The following MRC1 variants were observed in gnomAD, a reference collection of about 807,000 sequenced individuals.
The protein encoded by MRC1 is macrophage mannose receptor 1.
In MRC1, 62 loss-of-function variants were observed where a neutral mutation model predicts 102.9. That is an observed-to-expected ratio of 0.60 (90% CI 0.49 to 0.74). MRC1 has a LOEUF of 0.74. Ranked by LOEUF, MRC1 falls within the 30% of genes least tolerant of loss-of-function variation. MRC1 has a pLI of 0.00. For missense variants in MRC1, 1,237 were observed against 862.8 expected (o/e 1.43, Z -5.43); for synonymous variants, 457 against 298.4 (o/e 1.53, Z -5.48).
intron 6 of MRC1, among the ~76,000 whole-genome samples, chr10:17,849,148 T>A (rs900023348): frequency 6.6e-6 from 1 of 150,920 alleles, no homozygotes; most frequent in Non-Finnish European, 1.5e-5. Flanking sequence ...AAAAGAGATT[T>A]CCCATAGCCA....
chr10:17,878,847 G>C (rs902671914), intron 18 of MRC1, among the ~76,000 whole-genome samples: 1 of 152,016 alleles, frequency 6.6e-6, no homozygotes, highest in African/African-American at 2.4e-5. Context: ...TTTTTAAAGA[G>C]TAAAAATGTT....
At chr10:17,897,742 C>T (rs1833775371) in intron 23 of MRC1, among the ~76,000 whole-genome samples, 1 of 152,116 alleles carries the variant, frequency 6.6e-6, no homozygotes, top group Non-Finnish European at 1.5e-5. Flanking sequence ...CATCAAGATA[C>T]CAGATTGGAT....
intron 4 of MRC1, among the ~76,000 whole-genome samples, chr10:17,836,860 T>TA (rs1838672859): frequency 1.7e-4 from 26 of 149,664 alleles, no homozygotes; most frequent in African/African-American, 4.7e-4. Flanking sequence ...AAATAAAAAT[T>TA]TAAAAAAAAA....
intron 15 of MRC1, 112 bp downstream of exon 15, chr10:17,872,238 A>G: frequency 1.3e-6 from 1 of 773,662 alleles, no homozygotes; most frequent in Non-Finnish European, 2.4e-6. Flanking sequence ...AAATCAGGAA[A>G]CTGTCAGTGG....
chr10:17,843,933 C>T (rs1274681015), intron 5 of MRC1, among the ~76,000 whole-genome samples: 1 of 152,184 alleles, frequency 6.6e-6, no homozygotes, highest in Non-Finnish European at 1.5e-5. Context: ...GTGGCTCATT[C>T]ACCCTGTCTT....
Position 17,871,813 on chromosome 10 carries a change from T to C in MRC1, c.2200-169T>C, listed in dbSNP as rs1176549673. Among the ~76,000 whole-genome samples, 3 of 152,346 alleles carry C rather than the reference T, an allele frequency of 2.0e-5. No individual in the cohort carries two copies. The East Asian group carries it at 5.8e-4, about 29-fold the overall frequency. On this transcript the variant is annotated intron_variant, in intron 14 of 29. Transcript: ENST00000569591. ...ACAAGGTTCCATGTAATGAAAGCTGTTTCTTTTCTACTACGTTTGTGAACT... is the reference window on the plus strand; with the variant it reads ...ACAAGGTTCCATGTAATGAAAGCTGCTTCTTTTCTACTACGTTTGTGAACT...
chr10:17,825,291 A>G (rs1459488065), intron 2 of MRC1, among the ~76,000 whole-genome samples: 1 of 152,168 alleles, frequency 6.6e-6, no homozygotes, highest in Non-Finnish European at 1.5e-5. Context: ...CCAGAATTGT[A>G]GACTTAGATG....
intron 13 of MRC1, 55 bp downstream of exon 13, chr10:17,870,428 A>G: frequency 1.3e-6 from 1 of 779,488 alleles, no homozygotes; most frequent in Non-Finnish European, 2.4e-6. Context: ...GTGCTTATGA[A>G]GTTGAGAAAA....
chr10:17,828,341 T>C (rs1047502808), intron 3 of MRC1, among the ~76,000 whole-genome samples: 6 of 151,402 alleles, frequency 4.0e-5, no homozygotes, highest in Admixed American at 1.3e-4. Context: ...TCCCAAAGTG[T>C]TGGGTTTACA....
At chr10:17,814,056 A>G (rs1838268682) in intron 1 of MRC1, among the ~76,000 whole-genome samples, 1 of 152,090 alleles carries the variant, frequency 6.6e-6, no homozygotes, top group Non-Finnish European at 1.5e-5. Flanking sequence ...CACATGAATA[A>G]CTGTAGTAGA....
intron 9 of MRC1, among the ~76,000 whole-genome samples, chr10:17,860,664 A>G (rs1833171222): frequency 2.0e-5 from 3 of 152,322 alleles, no homozygotes; most frequent in Non-Finnish European, 4.4e-5. Flanking sequence ...CTATGACCAA[A>G]TGATGTAGCT....
chr10:17,888,396 G>T (rs1833629463), intron 22 of MRC1, among the ~76,000 whole-genome samples: 1 of 152,186 alleles, frequency 6.6e-6, no homozygotes, highest in Admixed American at 6.5e-5. Context: ...CAGGAGTGTA[G>T]GCTGTGATTC....
At chr10:17,871,937 T>C (rs1204174369) in intron 14 of MRC1, 45 bp from the exon 15 acceptor site, 2 of 773,170 alleles carry the variant, frequency 2.6e-6, no homozygotes, top group Non-Finnish European at 4.8e-6. Context: ...TGGCATTGGC[T>C]TGATACAAAT....
At chr10:17,834,040 G>A (rs1393220992) in intron 4 of MRC1, among the ~76,000 whole-genome samples, 1 of 152,166 alleles carries the variant, frequency 6.6e-6, no homozygotes, top group African/African-American at 2.4e-5. Flanking sequence ...GCCAACTATT[G>A]GTTTTAAGAG....
chr10:17,827,453 G>T, intron 2 of MRC1, 89 bp from the exon 3 acceptor site: 3 of 588,384 alleles, frequency 5.1e-6, no homozygotes, highest in East Asian at 4.4e-5. Flanking sequence ...AGAACAGTAA[G>T]ACCAATTCCT....
At chr10:17,834,883 C>T (rs1838639498) in intron 4 of MRC1, among the ~76,000 whole-genome samples, 1 of 152,142 alleles carries the variant, frequency 6.6e-6, no homozygotes, top group African/African-American at 2.4e-5. Flanking sequence ...CGATTTCTTG[C>T]CCCCAAAATC....
At chr10:17,901,843 C>G in intron 25 of MRC1, 130 bp from the exon 26 acceptor site, 1 of 748,120 alleles carries the variant, frequency 1.3e-6, no homozygotes, top group Non-Finnish European at 2.5e-6. Flanking sequence ...TATGGTGATC[C>G]AAATGATAAC....
At chr10:17,879,888 A>G in intron 19 of MRC1, 67 bp downstream of exon 19, 1 of 780,332 alleles carries the variant, frequency 1.3e-6, no homozygotes, top group Non-Finnish European at 2.4e-6. Flanking sequence ...TCCCTAGACT[A>G]AAAGTAGCAA....
intron 26 of MRC1, among the ~76,000 whole-genome samples, chr10:17,904,313 G>T (rs1250222800): frequency 2.0e-5 from 3 of 152,094 alleles, no homozygotes; most frequent in Non-Finnish European, 4.4e-5. Flanking sequence ...AGTTCTTAAA[G>T]TGATAATTTC....
Sources: gnomAD v4.1 joint callset for allele counts (sites outside exome capture counted in the v4.1 genomes callset) on GRCh38, gnomAD v4.1.1 for gene constraint, MANE v1.5 for transcripts, NCBI Gene and HGNC (gene_info 2026-07-23, HGNC 2026-07-21) for gene names.